The following P2RY8 variants were observed in gnomAD, a reference collection of about 807,000 sequenced individuals.
The protein encoded by P2RY8 is S-geranylgeranyl-glutathione receptor P2RY8.
A neutral mutation model predicts 10.0 loss-of-function variants in P2RY8; 6 were observed. The observed-to-expected ratio is 0.60, with a 90% CI of 0.33 to 1.19. P2RY8 has a LOEUF of 1.19. Ranked by LOEUF, P2RY8 falls within the 50% of genes most tolerant of loss-of-function variation. The pLI is 0.04. For synonymous variants in P2RY8, 276 were observed against 252.5 expected (o/e 1.09, Z -0.88); for missense variants, 456 against 542.0 (o/e 0.84, Z 1.58).
intron 1 of P2RY8, among the ~76,000 whole-genome samples, chrX:1,477,640 G>T (rs147792588): frequency 1.3e-5 from 2 of 152,064 alleles, no homozygotes; most frequent in Admixed American, 1.3e-4. Context: ...GGGAAGATGC[G>T]TCTGGCATCT....
intron 1 of P2RY8, among the ~76,000 whole-genome samples, chrX:1,519,335 C>T (rs1314930221): frequency 6.6e-6 from 1 of 150,906 alleles, no homozygotes; most frequent in Non-Finnish European, 1.5e-5. Flanking sequence ...AATAATCTCT[C>T]TGGTCTCCAA....
chrX:1,468,274 T>C (rs759242643), intron 1 of P2RY8, among the ~76,000 whole-genome samples: 1 of 152,326 alleles, frequency 6.6e-6, no homozygotes, highest in South Asian at 2.1e-4. Flanking sequence ...TAGGCAGCAG[T>C]GCCTCGCACA....
chrX:1,503,008 G>A (rs1262837809), intron 1 of P2RY8, among the ~76,000 whole-genome samples: 1 of 152,144 alleles, frequency 6.6e-6, no homozygotes, highest in Non-Finnish European at 1.5e-5. Flanking sequence ...TAAGAACTTT[G>A]CAGATTTAAT....
chrX:1,478,049 T>A (rs1194759310), intron 1 of P2RY8, among the ~76,000 whole-genome samples: 1 of 152,076 alleles, frequency 6.6e-6, no homozygotes, highest in Non-Finnish European at 1.5e-5. Flanking sequence ...GGAAGACAGA[T>A]GGAACATGAG....
At chrX:1,505,818 A>G (rs1328505510) in intron 1 of P2RY8, among the ~76,000 whole-genome samples, 2 of 151,820 alleles carry the variant, frequency 1.3e-5, no homozygotes, top group Admixed American at 1.3e-4. Context: ...AAACACAAAA[A>G]ACAAAAAACA....
chrX:1,498,588 G>C (rs1218877295), intron 1 of P2RY8, among the ~76,000 whole-genome samples: 1 of 150,900 alleles, frequency 6.6e-6, no homozygotes. Flanking sequence ...CACAATCTTG[G>C]TTCACTGCAA....
At chrX:1,533,653 A>C in intron 1 of P2RY8, among the ~76,000 whole-genome samples, 1 of 126,478 alleles carries the variant, frequency 7.9e-6, no homozygotes, top group African/African-American at 3.2e-5. Flanking sequence ...TATTATTTAC[A>C]TATTTATTAT....
At chrX:1,529,101 C>G (rs1470706952) in intron 1 of P2RY8, among the ~76,000 whole-genome samples, 1 of 152,168 alleles carries the variant, frequency 6.6e-6, no homozygotes, top group Non-Finnish European at 1.5e-5. Flanking sequence ...AACACGTACA[C>G]ACAGCGGGGC....
chrX:1,504,107 G>A (rs1246972737), intron 1 of P2RY8, among the ~76,000 whole-genome samples: 2 of 151,880 alleles, frequency 1.3e-5, no homozygotes, highest in African/African-American at 4.8e-5. Context: ...CATGAGGTCA[G>A]GAATTCGAGA....
chrX:1,524,564 T>C (rs2092420236), intron 1 of P2RY8, among the ~76,000 whole-genome samples: 3 of 135,152 alleles, frequency 2.2e-5, no homozygotes, highest in Admixed American at 7.4e-5. Flanking sequence ...CATGCATCCA[T>C]CCATCCATCC....
chrX:1,490,911 T>A (rs1489103114), intron 1 of P2RY8, among the ~76,000 whole-genome samples: 1 of 144,290 alleles, frequency 6.9e-6, no homozygotes, highest in Non-Finnish European at 1.5e-5. Context: ...TCCCTGCAAA[T>A]GTGGGGGGAA....
chrX:1,511,764 C>G (rs2092299229), intron 1 of P2RY8, among the ~76,000 whole-genome samples: 1 of 152,204 alleles, frequency 6.6e-6, no homozygotes, highest in Admixed American at 6.5e-5. Flanking sequence ...CTACGGATGG[C>G]CAGCTGGGTC....
intron 1 of P2RY8, among the ~76,000 whole-genome samples, chrX:1,485,074 C>T (rs1464608075): frequency 1.4e-5 from 2 of 146,558 alleles, no homozygotes; most frequent in Non-Finnish European, 3.0e-5. Flanking sequence ...AGAAATCCTC[C>T]TGCCTCAGCC....
chrX:1,535,836 TTG>T (rs2092522312), intron 1 of P2RY8, among the ~76,000 whole-genome samples: 2 of 151,872 alleles, frequency 1.3e-5, no homozygotes, highest in African/African-American at 4.8e-5. Context: ...GCAGGCCTTG[TTG>T]TGTGTGGCCT....
intron 1 of P2RY8, among the ~76,000 whole-genome samples, chrX:1,501,750 C>T (rs1391335172): frequency 4.0e-5 from 6 of 151,876 alleles, no homozygotes; most frequent in South Asian, 2.1e-4. Context: ...CGCACCACCA[C>T]GCCCGGCTAA....
At chrX:1,518,379 C>T (rs1391964561) in intron 1 of P2RY8, among the ~76,000 whole-genome samples, 10 of 146,834 alleles carry the variant, frequency 6.8e-5, no homozygotes, top group African/African-American at 1.0e-4. Context: ...TGAGCTGAGA[C>T]TGTGCCACTG....
At chrX:1,502,331 G>A (rs750824180) in intron 1 of P2RY8, among the ~76,000 whole-genome samples, 20 of 152,292 alleles carry the variant, frequency 1.3e-4, no homozygotes, top group African/African-American at 4.3e-4. Flanking sequence ...GTCCTCCCGG[G>A]GGGCAGGGGT....
intron 1 of P2RY8, among the ~76,000 whole-genome samples, chrX:1,492,247 G>A (rs1235280042): frequency 5.9e-5 from 9 of 152,196 alleles, no homozygotes; most frequent in Non-Finnish European, 1.5e-5. Context: ...CAAGAGAGGG[G>A]TGTGGCCCAA....
chrX:1,485,529 CTT>C (rs2091978781), intron 1 of P2RY8, among the ~76,000 whole-genome samples: 1 of 150,864 alleles, frequency 6.6e-6, no homozygotes. Context: ...TTTTGTTTCT[CTT>C]TTATATTGTA....
Sources: allele counts gnomAD v4.1 joint callset (sites outside exome capture counted in the v4.1 genomes callset), GRCh38; gene constraint gnomAD v4.1.1; transcripts MANE v1.5; gene names NCBI Gene and HGNC (gene_info 2026-07-23, HGNC 2026-07-21).